PSAT1: variants seen among roughly 807,000 people sequenced by gnomAD.
The protein encoded by PSAT1 is phosphoserine aminotransferase 1.
PSAT1 carries 41 observed loss-of-function variants against 40.3 expected under a neutral mutation model. The ratio of observed to expected loss-of-function variants is 1.02; its 90% CI spans 0.79 to 1.32. The LOEUF (loss-of-function observed/expected upper bound fraction) is 1.32. Ranked by LOEUF, PSAT1 falls within the 40% of genes most tolerant of loss-of-function variation. The pLI is 0.00. For synonymous variants in PSAT1, 147 were observed against 170.5 expected (o/e 0.86, Z 1.07); for missense variants, 406 against 455.8 (o/e 0.89, Z 0.99).
At chr9:78,311,828 T>TCAAAACAAAAACAAAAACAAAAAC (rs201165450) in intron 6 of PSAT1, among the ~76,000 whole-genome samples, 1 of 150,964 alleles carries the variant, frequency 6.6e-6, no homozygotes, top group African/African-American at 2.5e-5. Flanking sequence ...TGAGACTGTC[T>TCAAAACAAAAACAAAAACAAAAAC]GAAAACAAAA....
chr9:78,315,597 C>T (rs1828331968), intron 6 of PSAT1, among the ~76,000 whole-genome samples: 1 of 152,206 alleles, frequency 6.6e-6, no homozygotes, highest in African/African-American at 2.4e-5. Context: ...CTTGCTCTTT[C>T]TTCCCAGTGC....
In PSAT1 at chr9:78,308,646, A is replaced by T. The variant is rs531330872; in HGVS notation, c.740+63A>T. On this transcript the variant is annotated intron_variant, in intron 6 of 8. Coordinates refer to ENST00000376588, the MANE Select transcript of PSAT1 (RefSeq NM_058179.4). ...GTCTCACTATTTTTCATCAAAGCGG[A>T]GGTTACATTTTAAAATAAAACATGT... The T allele has an allele frequency of 8.0e-5, 126 of 1,583,462 alleles. No individual in the cohort carries two copies. The East Asian group carries it at 2.3e-3, about 29-fold the overall frequency.
intron 6 of PSAT1, among the ~76,000 whole-genome samples, chr9:78,309,599 G>C (rs185856955): frequency 7.9e-4 from 121 of 152,328 alleles, no homozygotes; most frequent in East Asian, 7.7e-4. Context: ...CTGACCTCAG[G>C]TTATCCGCCG....
chr9:78,316,199 C>T (rs1828342017), intron 6 of PSAT1, among the ~76,000 whole-genome samples: 1 of 152,210 alleles, frequency 6.6e-6, no homozygotes, highest in South Asian at 2.1e-4. Flanking sequence ...TTGTGTGGCC[C>T]ACCTGCCACG....
chr9:78,327,998 T>C (rs1443896149), intron 7 of PSAT1, 53 bp from the exon 8 acceptor site: 1 of 1,580,930 alleles, frequency 6.3e-7, no homozygotes, highest in Non-Finnish European at 8.7e-7. Context: ...GATTTGTTTA[T>C]GACAACCCAT....
rs577413766 is a variant in PSAT1, at chr9:78,321,090, G to A, written c.869+3286G>A. Among the ~76,000 whole-genome samples, 8 of 152,294 alleles carry A rather than the reference G, an allele frequency of 5.3e-5. No individual in the cohort carries two copies. The South Asian group carries it at 1.7e-3, about 32-fold the overall frequency. On this transcript the variant is annotated intron_variant, in intron 7 of 8. Transcript: ENST00000376588. ...CCAGAAGGCAGCCTGCCAAACTAAT[G>A]TGGCAGGCAGGTCATCTCCTGGGCA...
At chr9:78,313,483 T>TGG (rs59005570) in intron 6 of PSAT1, among the ~76,000 whole-genome samples, 23,725 of 152,138 alleles carry the variant, frequency 0.16, 1,952 homozygotes, top group South Asian at 0.17. Context: ...AACAGACTCT[T>TGG]AACTGGGCAT....
intron 3 of PSAT1, 119 bp from the exon 4 acceptor site, chr9:78,304,616 C>T (rs1446058418): frequency 2.1e-6 from 2 of 940,702 alleles, no homozygotes; most frequent in Admixed American, 1.8e-5. Context: ...AGTATTGTAA[C>T]ATTACCATAT....
chr9:78,307,689 T>C (rs1828205077), intron 5 of PSAT1, among the ~76,000 whole-genome samples: 1 of 152,234 alleles, frequency 6.6e-6, no homozygotes, highest in Non-Finnish European at 1.5e-5. Context: ...CTCTTTGTCA[T>C]AACAGTCCCT....
intron 1 of PSAT1, chr9:78,298,345 A>T: frequency 1.0e-6 from 1 of 985,012 alleles, no homozygotes; most frequent in Non-Finnish European, 1.2e-6. Context: ...TACAATTATC[A>T]ATTGTTGAGC....
chr9:78,307,902 T>C (rs1040171915), intron 5 of PSAT1, among the ~76,000 whole-genome samples: 1 of 151,974 alleles, frequency 6.6e-6, no homozygotes, highest in East Asian at 1.9e-4. Flanking sequence ...TCACTGGGCA[T>C]GGTGGCACAC....
chr9:78,311,228 G>C (rs574893968), intron 6 of PSAT1, among the ~76,000 whole-genome samples: 1 of 152,232 alleles, frequency 6.6e-6, no homozygotes, highest in South Asian at 2.1e-4. Flanking sequence ...GACCTCAAGT[G>C]CTGGCCTCCG....
At chr9:78,301,527 A>G (rs1828107787) in intron 2 of PSAT1, among the ~76,000 whole-genome samples, 1 of 152,084 alleles carries the variant, frequency 6.6e-6, no homozygotes, top group Non-Finnish European at 1.5e-5. Context: ...TATATTGCTT[A>G]TTTCTGTTAA....
rs544321070 is a variant in PSAT1, at chr9:78,329,911, T to G, written c.*825T>G. On this transcript the variant is annotated 3_prime_UTR_variant, in exon 9 of 9. Transcript: ENST00000376588. ...AGAAAGTTGATTGGTTGGTTGTTTT[T>G]CAATTATGCCATTAAACTAAACATT... 39 of 152,346 alleles carry G rather than the reference T, an allele frequency of 2.6e-4. No individual in the cohort carries two copies. The highest frequency in any genetic ancestry group is 9.1e-4 in the African/African-American group (38 of 41,578). The allele number at this position is 152,346 out of a possible 1,614,324, so 9.4% of individuals were successfully genotyped here. A position where few individuals can be genotyped will look rare whatever the true frequency, so the allele number is the denominator to read the frequency against.
At chr9:78,314,271 G>T (rs4877171) in intron 6 of PSAT1, among the ~76,000 whole-genome samples, 15 of 141,428 alleles carry the variant, frequency 1.1e-4, no homozygotes, top group South Asian at 2.3e-4. Flanking sequence ...CTCTGCAGAG[G>T]GCTGGGTGGG....
intron 7 of PSAT1, among the ~76,000 whole-genome samples, chr9:78,327,675 C>A (rs757154419): frequency 6.6e-6 from 1 of 152,138 alleles, no homozygotes; most frequent in Non-Finnish European, 1.5e-5. Flanking sequence ...TCTCTGCAGC[C>A]TTGCAGAGAA....
intron 8 of PSAT1, 83 bp downstream of exon 8, chr9:78,328,271 T>C: frequency 6.4e-7 from 1 of 1,558,338 alleles, no homozygotes. Flanking sequence ...TATAGGAGCC[T>C]GCTTAGCTTG....
In PSAT1 at chr9:78,304,936, T is replaced by C. The variant is rs370268538; in HGVS notation, c.393T>C (p.Tyr131=). 1.7e-4 allele frequency: 274 copies of C among 1,612,330 alleles called. No homozygotes were observed. In the Middle Eastern group the frequency reaches 3.7e-3, roughly 22 times the overall value. ...TCGTTCACCCTAAACTTGGGAGTTATACAAGTAAGTTCTGGGAGCTGAGCT... is the reference window on the plus strand; with the variant it reads ...TCGTTCACCCTAAACTTGGGAGTTACACAAGTAAGTTCTGGGAGCTGAGCT... ...INIVHPKLGS[Y]TKIPDPSTWN... The change falls in exon 4 of 9, where the codon TAT becomes TAC. Residue 131 remains tyrosine, a synonymous_variant. Transcript: ENST00000376588.
intron 7 of PSAT1, among the ~76,000 whole-genome samples, chr9:78,327,623 A>C (rs1828520012): frequency 6.6e-6 from 1 of 152,120 alleles, no homozygotes. Context: ...GTTGCTGCTC[A>C]TTATTTTTGC....
Sources: allele counts gnomAD v4.1 joint callset (sites outside exome capture counted in the v4.1 genomes callset), GRCh38; gene constraint gnomAD v4.1.1; transcripts MANE v1.5; gene names NCBI Gene and HGNC (gene_info 2026-07-23, HGNC 2026-07-21).